The following ZNF397 variants were observed in gnomAD, a reference collection of about 807,000 sequenced individuals.
ZNF397 encodes the protein zinc finger and SCAN domain-containing protein 15.
Under a neutral mutation model 50.6 loss-of-function variants are expected in ZNF397, and 38 were observed. The ratio of observed to expected loss-of-function variants is 0.75; its 90% CI spans 0.58 to 0.98. ZNF397 has a LOEUF of 0.98. Ranked by LOEUF, ZNF397 falls within the 50% of genes least tolerant of loss-of-function variation. The pLI, the probability that ZNF397 is intolerant of heterozygous loss-of-function variation, is 0.00. For synonymous variants in ZNF397, 228 were observed against 215.2 expected (o/e 1.06, Z -0.52); for missense variants, 624 against 624.1 (o/e 1.00, Z 0.00).
At chr18:35,254,576 CAAAG>C (rs2043726835), downstream of ZNF397, 2 of 903,058 alleles carry the variant, frequency 2.2e-6, no homozygotes, top group Non-Finnish European at 3.3e-6. Flanking sequence ...GTAAGGTAGA[CAAAG>C]AAATGAATTA....
At position 35,245,714 on chromosome 18, in the gene ZNF397, G is replaced by T; in HGVS notation, c.1009G>T (p.Gly337Cys). 6.4e-7 allele frequency: 1 copy of T among 1,552,116 alleles called. No individual in the cohort carries two copies. Among genetic ancestry groups the T allele is most frequent in the Non-Finnish European group, 8.7e-7 (1 of 1,147,182 alleles). Reference sequence around the variant, plus strand: ...TATTATTCATCAGAGAATTCATAGTGGTGAGAAAGCATATGAATGTAGTGA... The same window carrying T: ...TATTATTCATCAGAGAATTCATAGTTGTGAGAAAGCATATGAATGTAGTGA... Reference protein sequence around the residue: ...YLIIHQRIHSGEKAYECSECG... With the variant: ...YLIIHQRIHSCEKAYECSECG... Residue 337 changes from glycine to cysteine, a missense_variant, in exon 4 of 4, where the codon GGT becomes TGT. Physicochemically the swap from Gly to Cys is radical, Grantham distance 159. Transcript: ENST00000330501.
chr18:35,244,933 A>C (rs906892643), intron 3 of ZNF397, among the ~76,000 whole-genome samples: 14 of 152,164 alleles, frequency 9.2e-5, no homozygotes, highest in Non-Finnish European at 8.8e-5. Flanking sequence ...GTAGGCAAGA[A>C]GGTTGATTTT....
intron 3 of ZNF397, chr18:35,244,223 G>C (rs941835375): frequency 6.5e-6 from 1 of 154,336 alleles, no homozygotes; most frequent in Non-Finnish European, 1.5e-5. Flanking sequence ...ACTAGAGTGT[G>C]AGGGAGAGGA....
intron 5 of ZNF397, among the ~76,000 whole-genome samples, chr18:35,255,148 A>G (rs1314226066): frequency 2.6e-5 from 4 of 151,556 alleles, no homozygotes; most frequent in African/African-American, 9.7e-5. Context: ...ATTTATACCT[A>G]AAAACATGAC....
At chr18:35,258,137 G>T in exon 6 of ZNF397, 1 of 631,250 alleles carries the variant, frequency 1.6e-6, no homozygotes, top group Non-Finnish European at 2.8e-6. Context: ...TGAAAGCTGT[G>T]AAAGGATCCA....
At chr18:35,253,731 G>A (rs748371261), downstream of ZNF397, 6 of 1,613,922 alleles carry the variant, frequency 3.7e-6, no homozygotes, top group African/African-American at 8.0e-5. Context: ...TTCTTATGCT[G>A]AATAAGGGCT....
chr18:35,246,042 T>A lies in ZNF397; in HGVS notation c.1337T>A (p.Ile446Lys). ...TCAGAGCTGATTACTCATCAGAGAA[T>A]ACATAGTGGAGAGAAACCCTATGAA... The part of the protein sequence containing the change: ...QSSELITHQR[I>K]HSGEKPYECS... Residue 446 changes from isoleucine to lysine, a missense_variant, in exon 4 of 4, where the codon ATA becomes AAA. Ile to Lys is a moderately radical substitution (Grantham distance 102, BLOSUM62 -3). Transcript: ENST00000330501. 6.4e-7 allele frequency: 1 copy of A among 1,565,180 alleles called. No homozygotes were observed. Among genetic ancestry groups the A allele is most frequent in the South Asian group, 1.2e-5 (1 of 85,076 alleles).
At chr18:35,242,911 A>C (rs1912624908) in intron 2 of ZNF397, 27 bp downstream of exon 2, 1 of 1,571,548 alleles carries the variant, frequency 6.4e-7, no homozygotes, top group Non-Finnish European at 8.6e-7. Flanking sequence ...GTGATGTGGG[A>C]AAAGGAATTT....
rs976417308 is a variant in ZNF397, at chr18:35,246,510, A to G, written c.*200A>G. 6 of 1,333,516 alleles carry G rather than the reference A, an allele frequency of 4.5e-6. No individual in the cohort carries two copies. Among genetic ancestry groups the G allele is most frequent in the African/African-American group, 3.0e-5 (2 of 66,544 alleles). The allele number at this position is 1,333,516 out of a possible 1,614,324, so 82.6% of individuals were successfully genotyped here. On this transcript the variant is annotated 3_prime_UTR_variant, in exon 4 of 4. Transcript: ENST00000330501. ...CCTGTGACTAATCAGAACAGAATAC[A>G]GAAGAATCATTACTTCCAGCTCTTC...
At chr18:35,251,798 T>A (rs1345784785), downstream of ZNF397, 1 of 141,964 alleles carries the variant, frequency 7.0e-6, no homozygotes, top group African/African-American at 2.6e-5. Context: ...ATTAAACCTC[T>A]TTTTTTTTTT....
At chr18:35,255,236 C>G (rs1249578772) in intron 5 of ZNF397, among the ~76,000 whole-genome samples, 1 of 151,132 alleles carries the variant, frequency 6.6e-6, no homozygotes, top group Non-Finnish European at 1.5e-5. Flanking sequence ...TACTGGAAAT[C>G]TCTCTAGATA....
In ZNF397 at chr18:35,246,951, C is replaced by G. The variant is rs2043492830; in HGVS notation, c.*641C>G. 3 of 869,316 alleles carry G rather than the reference C, an allele frequency of 3.5e-6. No homozygotes were observed. In the Admixed American group the frequency reaches 1.9e-4, roughly 54 times the overall value. The allele number at this position is 869,316 out of a possible 1,614,324, so 53.9% of individuals were successfully genotyped here. ...CTAATGGGCAAGGCAGCCAGACAGG[C>G]AGTGAAAGTGGAATGCTCCTATGTG... On this transcript the variant is annotated 3_prime_UTR_variant, in exon 4 of 4. Transcript: ENST00000330501.
rs1912675628 is a variant in ZNF397, at chr18:35,243,421, C to T, written c.556+128C>T. On this transcript the variant is annotated intron_variant, in intron 3 of 3. Coordinates refer to ENST00000330501, the MANE Select transcript of ZNF397 (RefSeq NM_001135178.3). ...CCTTTATTATTCTAAACCAGAGGTGCTCGCTTTAGCGGCTTTGTATTCACC... is the reference window on the plus strand; with the variant it reads ...CCTTTATTATTCTAAACCAGAGGTGTTCGCTTTAGCGGCTTTGTATTCACC... 4.4e-6 allele frequency: 6 copies of T among 1,375,624 alleles called. No homozygotes were observed. In the South Asian group the frequency reaches 4.7e-5, roughly 11 times the overall value. 85.2% of individuals were successfully genotyped at this position (1,375,624 alleles called of 1,614,324 possible).
Position 35,249,640 on chromosome 18 carries a change from G to C in ZNF397, c.*3330G>C, listed in dbSNP as rs1300107121. 14 of 107,144 alleles carry C rather than the reference G, an allele frequency of 1.3e-4. No homozygotes were observed. The highest frequency in any genetic ancestry group is 0.019 in the Middle Eastern group (2 of 106). 6.6% of individuals were successfully genotyped at this position (107,144 alleles called of 1,614,324 possible). ...TGTATTCCAGCCTGGGTGACAGAGTGAGACTGTGTCTCAAAAAAAAAAAAA... is the reference window on the plus strand; with the variant it reads ...TGTATTCCAGCCTGGGTGACAGAGTCAGACTGTGTCTCAAAAAAAAAAAAA... On this transcript the variant is annotated 3_prime_UTR_variant, in exon 4 of 4. Coordinates refer to ENST00000330501, the MANE Select transcript of ZNF397 (RefSeq NM_001135178.3).
downstream of ZNF397, chr18:35,254,152 G>A (rs369803889): frequency 9.9e-5 from 160 of 1,614,136 alleles, no homozygotes; most frequent in African/African-American, 2.0e-3. Flanking sequence ...TTCTGTTGAA[G>A]GTTGCCAGAC....
At chr18:35,244,168 T>G (rs954497454) in intron 3 of ZNF397, 2 of 154,434 alleles carry the variant, frequency 1.3e-5, no homozygotes, top group African/African-American at 4.8e-5. Flanking sequence ...CTGACTCCTG[T>G]TCAACAGCAT....
exon 6 of ZNF397, chr18:35,257,945 C>A: frequency 1.3e-6 from 1 of 781,086 alleles, no homozygotes; most frequent in Non-Finnish European, 2.4e-6. Flanking sequence ...CTGAAGAACA[C>A]ATCGTCAATA....
Position 35,246,405 on chromosome 18 carries a change from A to G in ZNF397, c.*95A>G, listed in dbSNP as rs2043483302. On this transcript the variant is annotated 3_prime_UTR_variant, in exon 4 of 4. Coordinates refer to ENST00000330501, the MANE Select transcript of ZNF397 (RefSeq NM_001135178.3). ...TTTGGAGCAAAACTCCATAAAGGTTATAAAATACTAGGTCTTGAGTCTAGC... is the reference window on the plus strand; with the variant it reads ...TTTGGAGCAAAACTCCATAAAGGTTGTAAAATACTAGGTCTTGAGTCTAGC... The G allele has an allele frequency of 4.1e-6, 6 of 1,458,146 alleles. No individual in the cohort carries two copies. The South Asian group carries it at 7.5e-5, about 18-fold the overall frequency. The allele number at this position is 1,458,146 out of a possible 1,614,324, so 90.3% of individuals were successfully genotyped here.
At chr18:35,249,853 A>G (rs1008539332), downstream of ZNF397, 3 of 152,078 alleles carry the variant, frequency 2.0e-5, no homozygotes, top group African/African-American at 7.2e-5. Flanking sequence ...TAGGTGATGT[A>G]ATTTTTTTCT....
Sources: gnomAD v4.1 joint callset for allele counts (sites outside exome capture counted in the v4.1 genomes callset) on GRCh38, gnomAD v4.1.1 for gene constraint, MANE v1.5 for transcripts, NCBI Gene and HGNC (gene_info 2026-07-23, HGNC 2026-07-21) for gene names.